Variants in TSPAN19 observed in about 807,000 individuals in gnomAD.
The protein encoded by TSPAN19 is tetraspanin-19.
In TSPAN19, 44 loss-of-function variants were observed where a neutral mutation model predicts 35.1. The observed-to-expected ratio is 1.25, with a 90% CI of 0.98 to 1.61. TSPAN19 has a LOEUF of 1.61. Ranked by LOEUF, TSPAN19 falls within the 40% of genes most tolerant of loss-of-function variation. The probability of loss-of-function intolerance (pLI) is 0.00; values close to 1 mark genes in which losing one functional copy is unlikely to be tolerated. For synonymous variants in TSPAN19, 79 were observed against 92.0 expected (o/e 0.86, Z 0.81); for missense variants, 290 against 280.0 (o/e 1.04, Z -0.26).
intron 3 of TSPAN19, among the ~76,000 whole-genome samples, chr12:85,028,515 G>C (rs984247314): frequency 6.6e-6 from 1 of 152,106 alleles, no homozygotes; most frequent in Non-Finnish European, 1.5e-5. Flanking sequence ...TATTTATCCA[G>C]TCAACAGGCT....
At chr12:85,032,382 A>G (rs551054627) in intron 1 of TSPAN19, among the ~76,000 whole-genome samples, 1 of 152,272 alleles carries the variant, frequency 6.6e-6, no homozygotes, top group South Asian at 2.1e-4. Context: ...GACTGAGAAG[A>G]CAATCAAGGC....
intron 6 of TSPAN19, among the ~76,000 whole-genome samples, chr12:85,018,868 T>C (rs983110132): frequency 1.3e-5 from 2 of 151,862 alleles, no homozygotes; most frequent in Non-Finnish European, 2.9e-5. Flanking sequence ...GAGGACTGAA[T>C]TAGCTAATAT....
At chr12:85,021,112 G>C (rs1204288893) in intron 5 of TSPAN19, among the ~76,000 whole-genome samples, 1 of 151,864 alleles carries the variant, frequency 6.6e-6, no homozygotes, top group Non-Finnish European at 1.5e-5. Context: ...TTACTAATTT[G>C]GTCCTCAATA....
At chr12:85,030,847 C>T (rs1223573561) in intron 1 of TSPAN19, among the ~76,000 whole-genome samples, 1 of 151,956 alleles carries the variant, frequency 6.6e-6, no homozygotes, top group Admixed American at 6.6e-5. Context: ...GAGTATGTTC[C>T]CAGATTTTCT....
At chr12:85,026,483 T>C (rs1877419010) in intron 4 of TSPAN19, among the ~76,000 whole-genome samples, 1 of 152,130 alleles carries the variant, frequency 6.6e-6, no homozygotes, top group African/African-American at 2.4e-5. Flanking sequence ...AGCATAGTCC[T>C]TGGAATCCTG....
intron 1 of TSPAN19, chr12:85,035,256 T>G (rs1877911922): frequency 6.6e-6 from 1 of 151,876 alleles, no homozygotes; most frequent in Non-Finnish European, 1.5e-5. Flanking sequence ...AGACCCTGTC[T>G]CTAAAAAAAC....
At chr12:85,015,842 G>A in intron 8 of TSPAN19, 46 bp downstream of exon 8, 1 of 1,378,402 alleles carries the variant, frequency 7.3e-7, no homozygotes, top group Non-Finnish European at 1.0e-6. Flanking sequence ...ATTCTGTATA[G>A]CTTATACTTA....
intron 4 of TSPAN19, among the ~76,000 whole-genome samples, chr12:85,027,351 G>T (rs914866683): frequency 2.0e-5 from 3 of 152,098 alleles, no homozygotes; most frequent in Non-Finnish European, 2.9e-5. Flanking sequence ...CTCATTAGCT[G>T]GGTGACAGGA....
chr12:85,032,631 T>C (rs1877739697), intron 1 of TSPAN19, among the ~76,000 whole-genome samples: 1 of 152,102 alleles, frequency 6.6e-6, no homozygotes, highest in African/African-American at 2.4e-5. Context: ...TTACAAAGAA[T>C]GGTAAAATGA....
chr12:85,026,875 T>C (rs577510475), intron 4 of TSPAN19, among the ~76,000 whole-genome samples: 7 of 152,244 alleles, frequency 4.6e-5, no homozygotes, highest in South Asian at 4.1e-4. Context: ...GTAACTGGCA[T>C]AGACTGATAA....
chr12:85,023,262 A>G, intron 5 of TSPAN19, 64 bp downstream of exon 5: 3 of 1,342,896 alleles, frequency 2.2e-6, no homozygotes, highest in Admixed American at 4.0e-5. Context: ...CAATACTCTA[A>G]GGTATCCAAT....
At chr12:85,025,096 T>A (rs374744217) in intron 4 of TSPAN19, among the ~76,000 whole-genome samples, 1 of 151,614 alleles carries the variant, frequency 6.6e-6, no homozygotes, top group Non-Finnish European at 1.5e-5. Context: ...CTTAATCTTA[T>A]ACTAATAAGG....
intron 1 of TSPAN19, among the ~76,000 whole-genome samples, chr12:85,035,744 TAA>T (rs934373142): frequency 1.3e-5 from 2 of 152,126 alleles, no homozygotes; most frequent in Non-Finnish European, 2.9e-5. Flanking sequence ...TTTAATAAAT[TAA>T]GTTAAAATTA....
In TSPAN19 at chr12:85,023,380, C is replaced by T. The variant is rs965261786; in HGVS notation, c.285G>A (p.Trp95Ter). Residue 95 changes from tryptophan (W) to a stop codon, truncating the protein, a stop_gained, in exon 5 of 9, where the codon TGG (tryptophan) becomes TGA (stop). Coordinates refer to ENST00000532498, the MANE Select transcript of TSPAN19 (RefSeq NM_001100917.2). LOFTEE classifies it high-confidence loss of function. ...AAAGTACAACCTGAACAGCAAAGGT[C>T]CATGTTATCAATACTGCATACTAAA... ...LLIVYAVLITWTFAVQVVLSA... is the reference protein window; with the variant it reads ...LLIVYAVLIT 6.3e-7 allele frequency: 1 copy of T among 1,586,550 alleles called. No homozygotes were observed. Among genetic ancestry groups the T allele is most frequent in the South Asian group, 1.2e-5 (1 of 86,566 alleles).
At position 85,023,396 on chromosome 12, in the gene TSPAN19, G is replaced by A. The variant is rs759156650; in HGVS notation, c.269C>T (p.Ala90Val). The A allele has an allele frequency of 1.6e-5, 25 of 1,576,780 alleles. No individual in the cohort carries two copies. Among genetic ancestry groups the A allele is most frequent in the Non-Finnish European group, 2.2e-5 (25 of 1,159,970 alleles). ...NEIRWLLIVY[A>V]VLITWTFAVQ... Reference sequence around the variant, plus strand: ...AGCAAAGGTCCATGTTATCAATACTGCATACTAAAACAAAAGAAAAATAGA... The same window carrying A: ...AGCAAAGGTCCATGTTATCAATACTACATACTAAAACAAAAGAAAAATAGA... Residue 90 changes from alanine to valine, a missense_variant, in exon 5 of 9, where the codon GCA becomes GTA. Ala to Val is a moderately conservative substitution (Grantham distance 64, BLOSUM62 0). Coordinates refer to ENST00000532498, the MANE Select transcript of TSPAN19 (RefSeq NM_001100917.2).
chr12:85,015,541 TACACACACACAC>T (rs10549033), intron 8 of TSPAN19: 21 of 146,964 alleles, frequency 1.4e-4, no homozygotes, highest in Non-Finnish European at 3.0e-4. Context: ...TATGAACATA[TACACACACACAC>T]ACACACACAC....
intron 4 of TSPAN19, among the ~76,000 whole-genome samples, chr12:85,026,139 T>C (rs898355353): frequency 1.3e-5 from 2 of 152,122 alleles, no homozygotes; most frequent in Non-Finnish European, 1.5e-5. Flanking sequence ...GAAATGTTTG[T>C]TTTACTCCCT....
In TSPAN19 at chr12:85,015,961, T is replaced by C. The variant is rs376117995; in HGVS notation, c.605A>G (p.Asn202Ser). ...LNATYLEGCE[N>S]KISAWYNVNV... ...AACATTATACCATGCACTGATTTTATTTTCACAACCCTAAGAAAAAGAAGT... is the reference window on the plus strand; with the variant it reads ...AACATTATACCATGCACTGATTTTACTTTCACAACCCTAAGAAAAAGAAGT... Residue 202 changes from asparagine to serine, a missense_variant, in exon 8 of 9, where the codon AAT becomes AGT. Asn to Ser is a conservative substitution (Grantham distance 46, BLOSUM62 1). Coordinates refer to ENST00000532498, the MANE Select transcript of TSPAN19 (RefSeq NM_001100917.2). 2.8e-4 allele frequency: 425 copies of C among 1,540,712 alleles called. 3 individuals carry two copies. The South Asian group carries it at 4.9e-3, about 18-fold the overall frequency.
chr12:85,024,123 G>A (rs1212106332), intron 4 of TSPAN19, among the ~76,000 whole-genome samples: 3 of 152,120 alleles, frequency 2.0e-5, no homozygotes, highest in Admixed American at 6.6e-5. Flanking sequence ...CAAAATGGGC[G>A]AGATTTACAT....
Sources: allele counts gnomAD v4.1 joint callset (sites outside exome capture counted in the v4.1 genomes callset), GRCh38; gene constraint gnomAD v4.1.1; transcripts MANE v1.5; gene names NCBI Gene and HGNC (gene_info 2026-07-23, HGNC 2026-07-21).